The following PINX1 variants were observed in gnomAD, a reference collection of about 807,000 sequenced individuals.
PINX1 encodes PIN2 (TERF1) interacting telomerase inhibitor 1, also known as PIN2/TERF1-interacting telomerase inhibitor 1.
A neutral mutation model predicts 25.4 loss-of-function variants in PINX1; 34 were observed. The ratio of observed to expected loss-of-function variants is 1.34; its 90% CI spans 1.02 to 1.78. The LOEUF is 1.78. Among genes scored for constraint, PINX1 ranks in the 40% most tolerant of loss-of-function variants. The pLI, the probability that PINX1 is intolerant of heterozygous loss-of-function variation, is 0.00. For missense variants in PINX1, 592 were observed against 404.9 expected (o/e 1.46, Z -3.97); for synonymous variants, 197 against 147.7 (o/e 1.33, Z -2.42).
At chr8:10,785,158 G>T (rs911556074) in intron 6 of PINX1, among the ~76,000 whole-genome samples, 3 of 152,320 alleles carry the variant, frequency 2.0e-5, no homozygotes, top group Middle Eastern at 3.4e-3. Flanking sequence ...TTGTTACAAA[G>T]TAGTTCCAAT....
chr8:10,800,201 G>C (rs1802222802), intron 6 of PINX1, among the ~76,000 whole-genome samples: 1 of 152,202 alleles, frequency 6.6e-6, no homozygotes, highest in Admixed American at 6.5e-5. Flanking sequence ...ACAAGAGTCT[G>C]ATGTACAGCA....
intron 6 of PINX1, 105 bp from the exon 7 acceptor site, chr8:10,766,021 C>T (rs1801032150): frequency 5.9e-5 from 65 of 1,101,382 alleles, no homozygotes; most frequent in Non-Finnish European, 8.4e-5. Flanking sequence ...CACCCACACC[C>T]GGCGCTCACA....
intron 6 of PINX1, chr8:10,787,680 T>C (rs1159237371): frequency 1.1e-5 from 4 of 361,460 alleles, no homozygotes; most frequent in East Asian, 7.6e-5. Flanking sequence ...TCAGCAGGGA[T>C]GGTAATCTAT....
chr8:10,825,906 G>A lies in PINX1; in HGVS notation c.394+246C>T, dbSNP rs934752706. ...TAAGCTGATTCCATTTTTTAGCTCAGCCACAGGACTTGTTTACAGTCTAAA... is the reference window on the plus strand; with the variant it reads ...TAAGCTGATTCCATTTTTTAGCTCAACCACAGGACTTGTTTACAGTCTAAA... On this transcript the variant is annotated intron_variant, in intron 5 of 6. Transcript: ENST00000314787. 4.6e-5 allele frequency among the ~76,000 whole-genome samples: 7 copies of A among 152,170 alleles called. 1 individual carries two copies. The highest frequency in any genetic ancestry group is 1.7e-4 in the African/African-American group (7 of 41,442).
At chr8:10,789,163 A>C (rs1801843959) in intron 6 of PINX1, among the ~76,000 whole-genome samples, 1 of 152,158 alleles carries the variant, frequency 6.6e-6, no homozygotes, top group Non-Finnish European at 1.5e-5. Flanking sequence ...AAAGACTCCC[A>C]CCTTCTCCAA....
In PINX1 at chr8:10,774,429, G is replaced by C. The variant is rs533718229; in HGVS notation, c.472-8513C>G. 2.2e-4 allele frequency among the ~76,000 whole-genome samples: 34 copies of C among 152,138 alleles called. 1 individual carries two copies. The highest frequency in any genetic ancestry group is 1.5e-5 in the Non-Finnish European group (1 of 67,986). Reference sequence around the variant, plus strand: ...CCCGAGTAGCTGGGATTACAGGCATGTGCCACCACGCCCAGCTAATTTTGT... The same window carrying C: ...CCCGAGTAGCTGGGATTACAGGCATCTGCCACCACGCCCAGCTAATTTTGT... On this transcript the variant is annotated intron_variant, in intron 6 of 6. Coordinates refer to ENST00000314787, the MANE Select transcript of PINX1 (RefSeq NM_017884.6).
intron 6 of PINX1, among the ~76,000 whole-genome samples, chr8:10,793,870 G>A (rs1241780454): frequency 1.3e-5 from 2 of 152,108 alleles, no homozygotes; most frequent in African/African-American, 4.8e-5. Flanking sequence ...CTTATGACCT[G>A]TACAGATTTA....
chr8:10,815,693 C>T (rs1479030484), intron 6 of PINX1, among the ~76,000 whole-genome samples: 1 of 152,186 alleles, frequency 6.6e-6, no homozygotes, highest in East Asian at 1.9e-4. Flanking sequence ...CTCTCCAACA[C>T]CAGCAGGCTA....
At chr8:10,812,406 G>T (rs573542626) in intron 6 of PINX1, among the ~76,000 whole-genome samples, 2 of 152,190 alleles carry the variant, frequency 1.3e-5, no homozygotes, top group African/African-American at 4.8e-5. Flanking sequence ...GAGAAGGTCA[G>T]AGCTGGAAGG....
chr8:10,791,369 G>A (rs932286650), intron 6 of PINX1, among the ~76,000 whole-genome samples: 23 of 152,202 alleles, frequency 1.5e-4, no homozygotes, highest in African/African-American at 4.8e-4. Context: ...AGCACACATC[G>A]CAAATGCTCA....
intron 2 of PINX1, 27 bp from the exon 3 acceptor site, chr8:10,833,011 G>T: frequency 1.4e-6 from 2 of 1,418,488 alleles, no homozygotes; most frequent in Non-Finnish European, 2.0e-6. Flanking sequence ...CAGAGAGTTA[G>T]AACATTCCTC....
intron 6 of PINX1, chr8:10,787,577 A>T: frequency 3.9e-6 from 1 of 253,534 alleles, no homozygotes. Flanking sequence ...CAATATTATT[A>T]TCTTTCAGAT....
intron 6 of PINX1, among the ~76,000 whole-genome samples, chr8:10,796,306 T>A (rs545179482): frequency 3.3e-5 from 5 of 152,060 alleles, no homozygotes; most frequent in Non-Finnish European, 7.4e-5. Context: ...AGGCACAGGA[T>A]CCCCGGGGGG....
intron 6 of PINX1, among the ~76,000 whole-genome samples, chr8:10,818,279 T>C (rs1298599963): frequency 1.3e-5 from 2 of 152,240 alleles, no homozygotes; most frequent in Admixed American, 1.3e-4. Flanking sequence ...TTCCTGGGGC[T>C]AGCATTAGGG....
intron 6 of PINX1, among the ~76,000 whole-genome samples, chr8:10,796,460 A>G (rs1802087214): frequency 6.6e-6 from 1 of 152,114 alleles, no homozygotes; most frequent in East Asian, 1.9e-4. Context: ...CCTTCCAGAG[A>G]GCAGCTTGGG....
At chr8:10,829,690 C>CTT (rs35878893) in intron 4 of PINX1, among the ~76,000 whole-genome samples, 25 of 148,544 alleles carry the variant, frequency 1.7e-4, no homozygotes, top group African/African-American at 3.9e-4. Context: ...TTCTTACATT[C>CTT]TTTTTTTTTT....
chr8:10,802,790 T>C (rs1461677220), intron 6 of PINX1, among the ~76,000 whole-genome samples: 3 of 152,182 alleles, frequency 2.0e-5, no homozygotes, highest in Non-Finnish European at 2.9e-5. Context: ...ACTGGGGAAT[T>C]ATATTCCAGT....
intron 5 of PINX1, among the ~76,000 whole-genome samples, chr8:10,821,338 C>T (rs1411894205): frequency 6.6e-6 from 1 of 152,224 alleles, no homozygotes; most frequent in African/African-American, 2.4e-5. Context: ...AAACAAAACA[C>T]TCTTCAATTT....
At chr8:10,810,287 G>A (rs1802587245) in intron 6 of PINX1, among the ~76,000 whole-genome samples, 1 of 152,168 alleles carries the variant, frequency 6.6e-6, no homozygotes, top group South Asian at 2.1e-4. Flanking sequence ...ATTTAACGAT[G>A]ACTTCCACAT....
Sources: gnomAD v4.1 joint callset for allele counts (sites outside exome capture counted in the v4.1 genomes callset) on GRCh38, gnomAD v4.1.1 for gene constraint, MANE v1.5 for transcripts, NCBI Gene and HGNC (gene_info 2026-07-23, HGNC 2026-07-21) for gene names.